CDK6: variants seen among roughly 807,000 people sequenced by gnomAD.
The protein encoded by CDK6 is cyclin dependent kinase 6, also known as cyclin-dependent kinase 6.
Under a neutral mutation model 37.1 loss-of-function variants are expected in CDK6, and 6 were observed. The observed-to-expected ratio is 0.16, with a 90% CI of 0.09 to 0.32. The LOEUF is 0.32. Ranked by LOEUF, CDK6 falls within the 10% of genes least tolerant of loss-of-function variation. CDK6 has a pLI of 1.00. For synonymous variants in CDK6, 160 were observed against 161.3 expected (o/e 0.99, Z 0.06); for missense variants, 224 against 418.9 (o/e 0.53, Z 4.06).
chr7:92,648,146 G>A (rs1233279084), intron 5 of CDK6, among the ~76,000 whole-genome samples: 1 of 152,026 alleles, frequency 6.6e-6, no homozygotes, highest in East Asian at 1.9e-4. Context: ...GGTGTCATCT[G>A]CCCCCCTTCT....
intron 2 of CDK6, among the ~76,000 whole-genome samples, chr7:92,785,290 C>T (rs904981447): frequency 2.6e-5 from 4 of 152,128 alleles, no homozygotes; most frequent in African/African-American, 9.7e-5. Flanking sequence ...TCACAAAAGA[C>T]TATGTATTCC....
chr7:92,709,809 G>A (rs949322801), intron 4 of CDK6, among the ~76,000 whole-genome samples: 2 of 152,068 alleles, frequency 1.3e-5, no homozygotes, highest in Admixed American at 6.6e-5. Context: ...CTGATAGATG[G>A]CTCATACTCA....
intron 6 of CDK6, among the ~76,000 whole-genome samples, chr7:92,619,406 A>G (rs930742935): frequency 6.6e-6 from 1 of 152,172 alleles, no homozygotes; most frequent in Non-Finnish European, 1.5e-5. Context: ...CACAGACTGT[A>G]TAACTCTGAA....
chr7:92,777,267 C>T (rs1799874468), intron 2 of CDK6, among the ~76,000 whole-genome samples: 1 of 151,844 alleles, frequency 6.6e-6, no homozygotes, highest in Admixed American at 6.6e-5. Flanking sequence ...GAGTTTCGCT[C>T]TTGTTGCCCA....
At chr7:92,728,136 A>G (rs1427364189) in intron 3 of CDK6, among the ~76,000 whole-genome samples, 2 of 152,202 alleles carry the variant, frequency 1.3e-5, no homozygotes, top group African/African-American at 4.8e-5. Flanking sequence ...TATAACACAC[A>G]CTATGTTTTT....
intron 3 of CDK6, among the ~76,000 whole-genome samples, chr7:92,749,715 G>T (rs1799145072): frequency 6.6e-6 from 1 of 152,164 alleles, no homozygotes; most frequent in Non-Finnish European, 1.5e-5. Flanking sequence ...CTGCTGTACT[G>T]ATTTGTAGCC....
chr7:92,787,622 C>G (rs1039163265), intron 2 of CDK6, among the ~76,000 whole-genome samples: 1 of 152,038 alleles, frequency 6.6e-6, no homozygotes, highest in Non-Finnish European at 1.5e-5. Context: ...TGCATTACTG[C>G]CGCATTAAAG....
intron 5 of CDK6, among the ~76,000 whole-genome samples, chr7:92,654,288 T>A (rs1393119929): frequency 6.6e-6 from 1 of 152,100 alleles, no homozygotes; most frequent in Non-Finnish European, 1.5e-5. Context: ...CTAATCACTT[T>A]CAGAATTTTT....
chr7:92,764,103 C>T (rs1388509434), intron 3 of CDK6, among the ~76,000 whole-genome samples: 1 of 150,206 alleles, frequency 6.7e-6, no homozygotes, highest in Non-Finnish European at 1.5e-5. Flanking sequence ...CCTAATTAAT[C>T]TAACCATTAC....
At chr7:92,823,534 A>C (rs1218482307) in intron 2 of CDK6, among the ~76,000 whole-genome samples, 1 of 149,838 alleles carries the variant, frequency 6.7e-6, no homozygotes, top group Non-Finnish European at 1.5e-5. Flanking sequence ...AATGTATTTC[A>C]TTCATGATCA....
intron 4 of CDK6, among the ~76,000 whole-genome samples, chr7:92,680,397 G>C (rs912283311): frequency 8.1e-6 from 1 of 124,186 alleles, no homozygotes; most frequent in African/African-American, 3.2e-5. Context: ...ACACCATTGC[G>C]CTCCAGCCTG....
intron 5 of CDK6, among the ~76,000 whole-genome samples, chr7:92,659,303 T>C (rs150568657): frequency 2.0e-5 from 3 of 152,322 alleles, no homozygotes; most frequent in African/African-American, 7.2e-5. Flanking sequence ...AAAATACACA[T>C]TGGAGTTTGA....
intron 2 of CDK6, among the ~76,000 whole-genome samples, chr7:92,792,414 TTGTAA>T (rs1354511537): frequency 6.6e-6 from 1 of 152,216 alleles, no homozygotes; most frequent in Non-Finnish European, 1.5e-5. Flanking sequence ...TTCCCTGTTC[TTGTAA>T]CATTGGCTCA....
At chr7:92,812,209 T>C (rs1800903155) in intron 2 of CDK6, among the ~76,000 whole-genome samples, 1 of 152,060 alleles carries the variant, frequency 6.6e-6, no homozygotes, top group Admixed American at 6.6e-5. Context: ...TTAATATGTG[T>C]CCTAATTTTA....
chr7:92,667,451 G>C (rs899372914), intron 5 of CDK6, among the ~76,000 whole-genome samples: 1 of 151,962 alleles, frequency 6.6e-6, no homozygotes, highest in Non-Finnish European at 1.5e-5. Flanking sequence ...TCCTGCCCTG[G>C]TTTCCCAAAG....
chr7:92,722,779 T>C (rs541189828), intron 4 of CDK6, among the ~76,000 whole-genome samples: 29 of 152,334 alleles, frequency 1.9e-4, no homozygotes, highest in African/African-American at 7.0e-4. Context: ...CCTGAGTGCC[T>C]ATCAAAATAA....
rs2116602854 is a variant in CDK6 at position 92,671,467 on chromosome 7, G to A, written c.606C>T (p.Leu202=). Residue 202 remains leucine, a synonymous_variant, in exon 5 of 8, where the codon CTC becomes CTT. Coordinates refer to ENST00000424848, the MANE Select transcript of CDK6 (RefSeq NM_001145306.2). ...CTGCAAATATGCAGCCAACACTCCA[G>A]AGATCCACGGGGGTGGCGTAGCTGG... The part of the protein sequence containing the change: ...LQSSYATPVD[L]WSVGCIFAEM... The A allele has an allele frequency of 2.5e-6, 4 of 1,583,000 alleles. No homozygotes were observed. Among genetic ancestry groups the A allele is most frequent in the Non-Finnish European group, 3.4e-6 (4 of 1,164,524 alleles).
chr7:92,797,176 T>C (rs1343191665), intron 2 of CDK6, among the ~76,000 whole-genome samples: 1 of 152,164 alleles, frequency 6.6e-6, no homozygotes, highest in East Asian at 1.9e-4. Context: ...CTTCCTCTCC[T>C]ACAGCCAAAA....
intron 4 of CDK6, among the ~76,000 whole-genome samples, chr7:92,680,006 A>G (rs1056100337): frequency 4.0e-5 from 6 of 151,818 alleles, no homozygotes; most frequent in Non-Finnish European, 8.8e-5. Context: ...GGTGTGAGCC[A>G]TCGTGCCCGG....
Sources: allele counts gnomAD v4.1 joint callset (sites outside exome capture counted in the v4.1 genomes callset), GRCh38; gene constraint gnomAD v4.1.1; transcripts MANE v1.5; gene names NCBI Gene and HGNC (gene_info 2026-07-23, HGNC 2026-07-21).